The following DMRTA2 variants were observed in gnomAD, a reference collection of about 807,000 sequenced individuals.
DMRTA2 encodes DMRT like family A2.
A neutral mutation model predicts 29.7 loss-of-function variants in DMRTA2; 10 were observed. The observed-to-expected ratio is 0.34, with a 90% CI of 0.21 to 0.57. The LOEUF (loss-of-function observed/expected upper bound fraction) is 0.57, where lower values mean the gene tolerates loss of function less well. Ranked by LOEUF, DMRTA2 falls within the 20% of genes least tolerant of loss-of-function variation. The probability of loss-of-function intolerance (pLI) is 0.87; values close to 1 mark genes in which losing one functional copy is unlikely to be tolerated. For missense variants in DMRTA2, 783 were observed against 812.1 expected, an observed-to-expected ratio of 0.96 and a Z score of 0.44; for synonymous variants, 469 against 402.6, an observed-to-expected ratio of 1.16 and a Z score of -1.97.
At position 50,419,065 on chromosome 1, in the gene DMRTA2, G is replaced by A; in HGVS notation, c.1229C>T (p.Pro410Leu). 7.8e-7 allele frequency: 1 copy of A among 1,278,760 alleles called. No homozygotes were observed. Among genetic ancestry groups the A allele is most frequent in the Non-Finnish European group, 9.8e-7 (1 of 1,016,044 alleles). The allele number at this position is 1,278,760 out of a possible 1,614,324, so 79.2% of individuals were successfully genotyped here. Residue 410 changes from proline (P) to leucine (L), a missense_variant, in exon 3 of 3, where the codon CCC becomes CTC. Around this residue, in one of 3 missense-constraint regions of DMRTA2, gnomAD observed 667 missense variants for 624.8 expected, o/e 1.07. Transcript: ENST00000404795. The surrounding 1 kb of genome is among the most constrained non-coding windows in gnomAD (Gnocchi z 6.1). ...GGGTCTGTGGTGCGGAGGTGCGGCG[G>A]GCCCCGCCTGCAGCGGCGCAGGCAG... ...PGLPAPLQAG[P>L]AAPPHHRPLL...
In DMRTA2 at chr1:50,419,802, C is replaced by A; in HGVS notation, c.560-68G>T. 7.6e-7 allele frequency: 1 copy of A among 1,319,572 alleles called. No homozygotes were observed. The highest frequency in any genetic ancestry group is 1.0e-6 in the Non-Finnish European group (1 of 1,000,912). The allele number at this position is 1,319,572 out of a possible 1,614,324, so 81.7% of individuals were successfully genotyped here. A position where few individuals can be genotyped will look rare whatever the true frequency, so the allele number is the denominator to read the frequency against. On this transcript the variant is annotated intron_variant, in intron 2 of 2. Transcript: ENST00000404795. This position sits in a 1 kb window ranked among gnomAD's most constrained non-coding sequence, Gnocchi z 6.1. ...AGACAGCAGTCACAGCACCTCGGCC[C>A]TTTGGATCTCAGTTTCCTCTCCCTC...
At position 50,420,793 on chromosome 1, in the gene DMRTA2, A is replaced by G. The variant is rs776184256; in HGVS notation, c.559+185T>C. On this transcript the variant is annotated intron_variant, in intron 2 of 2. Coordinates refer to ENST00000404795, the MANE Select transcript of DMRTA2 (RefSeq NM_032110.3). The surrounding 1 kb of genome is among the most constrained non-coding windows in gnomAD (Gnocchi z 4.1). ...AGGGGTAAAGTGCAAATGCTCCAGA[A>G]GCGGGAGAAAGGAGAGTTTCTGTAC... is the stretch of plus-strand genomic sequence containing the variant. Among the ~76,000 whole-genome samples the G allele has an allele frequency of 4.3e-4, 66 of 152,200 alleles. No individual in the cohort carries two copies. The highest frequency in any genetic ancestry group is 1.9e-4 in the Non-Finnish European group (13 of 68,026).
Position 50,419,480 on chromosome 1 carries a change from C to T in DMRTA2, c.814G>A (p.Gly272Ser). ...SCPGSAGPGG[G>S]GEEDSPGSAS... is the part of the protein sequence containing the mutation. Reference sequence around the variant, plus strand: ...GAGCCCGGGCTGTCCTCCTCGCCGCCGCCGCCAGGGCCAGCGCTGCCTGGG... The same window carrying T: ...GAGCCCGGGCTGTCCTCCTCGCCGCTGCCGCCAGGGCCAGCGCTGCCTGGG... Residue 272 changes from glycine to serine, a missense_variant, in exon 3 of 3, where the codon GGC becomes AGC. This residue lies in a region of DMRTA2 where 667 missense variants were observed against 624.8 expected (regional missense o/e 1.07). Coordinates refer to ENST00000404795, the MANE Select transcript of DMRTA2 (RefSeq NM_032110.3). The surrounding 1 kb of genome is among the most constrained non-coding windows in gnomAD (Gnocchi z 6.1). 1.3e-6 allele frequency: 2 copies of T among 1,595,086 alleles called. No homozygotes were observed. Among genetic ancestry groups the T allele is most frequent in the Admixed American group, 1.7e-5 (1 of 58,626 alleles).
rs1464739911 is a variant in DMRTA2 at position 50,420,708 on chromosome 1, G to T, written c.559+270C>A. 6.6e-6 allele frequency among the ~76,000 whole-genome samples: 1 copy of T among 152,194 alleles called. No individual in the cohort carries two copies. The highest frequency in any genetic ancestry group is 1.5e-5 in the Non-Finnish European group (1 of 68,030). On this transcript the variant is annotated intron_variant, in intron 2 of 2. Transcript: ENST00000404795. This position sits in a 1 kb window ranked among gnomAD's most constrained non-coding sequence, Gnocchi z 4.1. ...AGCAAAGAAGCAGGGACCTGCCTGCGTTTGGGTAGAGGCGAGTAAAAAAAT... is the reference window on the plus strand; with the variant it reads ...AGCAAAGAAGCAGGGACCTGCCTGCTTTTGGGTAGAGGCGAGTAAAAAAAT...
intron 1 of DMRTA2, 77 bp downstream of exon 1, chr1:50,423,039 G>C (rs975821829): frequency 3.3e-5 from 5 of 152,552 alleles, no homozygotes; most frequent in African/African-American, 1.2e-4. Flanking sequence ...TAAGGCCCAC[G>C]GGGCCCAGGC....
At position 50,419,134 on chromosome 1, in the gene DMRTA2, A is replaced by T; in HGVS notation, c.1160T>A (p.Val387Asp). 2 of 1,073,414 alleles carry T rather than the reference A, an allele frequency of 1.9e-6. No individual in the cohort carries two copies. Among genetic ancestry groups the T allele is most frequent in the Non-Finnish European group, 1.1e-6 (1 of 891,952 alleles). 66.5% of individuals were successfully genotyped at this position (1,073,414 alleles called of 1,614,324 possible). A position where few individuals can be genotyped will look rare whatever the true frequency, so the allele number is the denominator to read the frequency against. The change falls in exon 3 of 3, where the codon GTC becomes GAC. Residue 387 changes from valine to aspartate, a missense_variant. By Grantham distance (152) the Val-to-Asp change is radical (BLOSUM62 -3). Coordinates refer to ENST00000404795, the MANE Select transcript of DMRTA2 (RefSeq NM_032110.3). This position sits in a 1 kb window ranked among gnomAD's most constrained non-coding sequence, Gnocchi z 6.1. ...AAADDAWPSR[V>D]DAAAAAAAAA... ...GGCGGCGGCGGCGGCGGCGGCGTCG[A>T]CGCGGCTGGGCCACGCGTCGTCTGC...
rs1356147197 is a variant in DMRTA2, at chr1:50,418,926, C to A, written c.1368G>T (p.Pro456=). 5 of 1,434,984 alleles carry A rather than the reference C, an allele frequency of 3.5e-6. No homozygotes were observed. Among genetic ancestry groups the A allele is most frequent in the Non-Finnish European group, 4.5e-6 (5 of 1,100,350 alleles). The allele number at this position is 1,434,984 out of a possible 1,614,324, so 88.9% of individuals were successfully genotyped here. A position where few individuals can be genotyped will look rare whatever the true frequency, so the allele number is the denominator to read the frequency against. ...GGCTGAGGCCGAGCGGCGCGCCCAG[C>A]GGGTAGGCGCCCGCGTCGGCACCGA... is the stretch of plus-strand genomic sequence containing the variant. The part of the protein sequence containing the change: ...SHFGADAGAY[P]LGAPLGLSPL... The change falls in exon 3 of 3, where the codon CCG becomes CCT. Residue 456 remains proline, a synonymous_variant. Coordinates refer to ENST00000404795, the MANE Select transcript of DMRTA2 (RefSeq NM_032110.3).
rs1162459714 is a variant in DMRTA2, at chr1:50,422,079, G to C, written c.-8-535C>G. ...AGAGATGTGAAGGCGCAGATGTGAAGGCCGGTTGGGCCGGAGTTTTGTTTC... is the reference window on the plus strand; with the variant it reads ...AGAGATGTGAAGGCGCAGATGTGAACGCCGGTTGGGCCGGAGTTTTGTTTC... On this transcript the variant is annotated intron_variant, in intron 1 of 2. Coordinates refer to ENST00000404795, the MANE Select transcript of DMRTA2 (RefSeq NM_032110.3). The surrounding 1 kb of genome is among the most constrained non-coding windows in gnomAD (Gnocchi z 5.7). 6.6e-6 allele frequency among the ~76,000 whole-genome samples: 1 copy of C among 152,234 alleles called. No homozygotes were observed. Among genetic ancestry groups the C allele is most frequent in the East Asian group, 1.9e-4 (1 of 5,190 alleles).
Position 50,419,083 on chromosome 1 carries a change from G to C in DMRTA2, c.1211C>G (p.Ala404Gly). The change falls in exon 3 of 3, where the codon GCG (alanine) becomes GGG (glycine). Residue 404 changes from alanine (A) to glycine (G), a missense_variant. Ala to Gly is a moderately conservative substitution (Grantham distance 60, BLOSUM62 0). Coordinates refer to ENST00000404795, the MANE Select transcript of DMRTA2 (RefSeq NM_032110.3). This position sits in a 1 kb window ranked among gnomAD's most constrained non-coding sequence, Gnocchi z 6.1. Reference sequence around the variant, plus strand: ...TGCGGCGGGCCCCGCCTGCAGCGGCGCAGGCAGCCCAGGCCCCCCGGCGGC... The same window carrying C: ...TGCGGCGGGCCCCGCCTGCAGCGGCCCAGGCAGCCCAGGCCCCCCGGCGGC... ...AAAAGGPGLP[A>G]PLQAGPAAPP... 8.0e-7 allele frequency: 1 copy of C among 1,250,410 alleles called. No homozygotes were observed. The highest frequency in any genetic ancestry group is 1.0e-6 in the Non-Finnish European group (1 of 1,001,278). 77.5% of individuals were successfully genotyped at this position (1,250,410 alleles called of 1,614,324 possible).
At position 50,421,130 on chromosome 1, in the gene DMRTA2, G is replaced by T. The variant is rs1646035175; in HGVS notation, c.407C>A (p.Ala136Asp). Residue 136 changes from alanine to aspartate, a missense_variant, in exon 2 of 3, where the codon GCC (alanine) becomes GAC (aspartate). Physicochemically the swap from Ala to Asp is moderately radical, Grantham distance 126. Around this residue, in one of 3 missense-constraint regions of DMRTA2, gnomAD observed 667 missense variants for 624.8 expected, o/e 1.07. Transcript: ENST00000404795. The surrounding 1 kb of genome is among the most constrained non-coding windows in gnomAD (Gnocchi z 8.7). ...GGCGGCGGCCAGCGCCAGCCCCTCGGCAGTGCCGTAGAGCAGCTGCAGCTC... is the reference window on the plus strand; with the variant it reads ...GGCGGCGGCCAGCGCCAGCCCCTCGTCAGTGCCGTAGAGCAGCTGCAGCTC... ...ARELQLLYGT[A>D]EGLALAAANG... is the part of the protein sequence containing the mutation. 2 of 1,529,250 alleles carry T rather than the reference G, an allele frequency of 1.3e-6. No homozygotes were observed. The highest frequency in any genetic ancestry group is 1.8e-6 in the Non-Finnish European group (2 of 1,141,520). The allele number at this position is 1,529,250 out of a possible 1,614,324, so 94.7% of individuals were successfully genotyped here.
chr1:50,419,448 G>A lies in DMRTA2; in HGVS notation c.846C>T (p.Ser282=), dbSNP rs778056129. 1.3e-6 allele frequency: 2 copies of A among 1,598,370 alleles called. No homozygotes were observed. Among genetic ancestry groups the A allele is most frequent in the Middle Eastern group, 1.7e-4 (1 of 6,042 alleles). Residue 282 remains serine (S), a synonymous_variant, in exon 3 of 3, where the codon AGC becomes AGT. Coordinates refer to ENST00000404795, the MANE Select transcript of DMRTA2 (RefSeq NM_032110.3). The surrounding 1 kb of genome is among the most constrained non-coding windows in gnomAD (Gnocchi z 6.1). The part of the protein sequence containing the change: ...GGEEDSPGSA[S]PLGSESGSEA... ...CTGAACCGGATTCAGAGCCCAGAGG[G>A]CTAGCGGAGCCCGGGCTGTCCTCCT...
Position 50,421,614 on chromosome 1 carries a change from C to A in DMRTA2, c.-8-70G>T. The A allele has an allele frequency of 2.5e-6, 3 of 1,207,206 alleles. No homozygotes were observed. 74.8% of individuals were successfully genotyped at this position (1,207,206 alleles called of 1,614,324 possible). A position where few individuals can be genotyped will look rare whatever the true frequency, so the allele number is the denominator to read the frequency against. On this transcript the variant is annotated intron_variant, in intron 1 of 2. Transcript: ENST00000404795. The surrounding 1 kb of genome is among the most constrained non-coding windows in gnomAD (Gnocchi z 8.7). Reference sequence around the variant, plus strand: ...CACACCGCGCGCTAGGCCAAAGCGCCGCCTTGAGGAACCCAAGCTGGAGAG... The same window carrying A: ...CACACCGCGCGCTAGGCCAAAGCGCAGCCTTGAGGAACCCAAGCTGGAGAG...
At position 50,420,277 on chromosome 1, in the gene DMRTA2, C is replaced by T. The variant is rs1453269450; in HGVS notation, c.560-543G>A. Among the ~76,000 whole-genome samples, 3 of 152,154 alleles carry T rather than the reference C, an allele frequency of 2.0e-5. No homozygotes were observed. Among genetic ancestry groups the T allele is most frequent in the Admixed American group, 2.0e-4 (3 of 15,278 alleles). ...CAAAATTGAGACCTGAGAAGTTCTT[C>T]CCTCCCAAGTTTAGAGCGGATCCCT... On this transcript the variant is annotated intron_variant, in intron 2 of 2. Coordinates refer to ENST00000404795, the MANE Select transcript of DMRTA2 (RefSeq NM_032110.3). The surrounding 1 kb of genome is among the most constrained non-coding windows in gnomAD (Gnocchi z 4.1).
Position 50,422,988 on chromosome 1 carries a change from C to A in DMRTA2, c.-9+128G>T, listed in dbSNP as rs1221419470. 2 of 152,630 alleles carry A rather than the reference C, an allele frequency of 1.3e-5. No homozygotes were observed. Among genetic ancestry groups the A allele is most frequent in the African/African-American group, 4.8e-5 (2 of 41,470 alleles). The allele number at this position is 152,630 out of a possible 1,614,324, so 9.5% of individuals were successfully genotyped here. ...CGTCCGAGAGTCCCAGACCTCCTCTCTATGAGCGTTGCCTCCTCTCCCAGA... is the reference window on the plus strand; with the variant it reads ...CGTCCGAGAGTCCCAGACCTCCTCTATATGAGCGTTGCCTCCTCTCCCAGA... On this transcript the variant is annotated intron_variant, in intron 1 of 2. Coordinates refer to ENST00000404795, the MANE Select transcript of DMRTA2 (RefSeq NM_032110.3). The surrounding 1 kb of genome is among the most constrained non-coding windows in gnomAD (Gnocchi z 5.7).
rs1392425297 is a variant in DMRTA2, at chr1:50,421,101, C to G, written c.436G>C (p.Gly146Arg). The change falls in exon 2 of 3, where the codon GGC becomes CGC. Residue 146 changes from glycine to arginine, a missense_variant. By Grantham distance (125) the Gly-to-Arg change is moderately radical. This residue lies in a region of DMRTA2 where 667 missense variants were observed against 624.8 expected (regional missense o/e 1.07). Coordinates refer to ENST00000404795, the MANE Select transcript of DMRTA2 (RefSeq NM_032110.3). This position sits in a 1 kb window ranked among gnomAD's most constrained non-coding sequence, Gnocchi z 8.7. ...AEGLALAAAN[G>R]IIPPRPAYEV... ...TAGGCGGGCCTCGGGGGGATGATGCCGTTGGCGGCGGCCAGCGCCAGCCCC... is the reference window on the plus strand; with the variant it reads ...TAGGCGGGCCTCGGGGGGATGATGCGGTTGGCGGCGGCCAGCGCCAGCCCC... The G allele has an allele frequency of 6.6e-7, 1 of 1,524,372 alleles. No homozygotes were observed. Among genetic ancestry groups the G allele is most frequent in the Non-Finnish European group, 8.8e-7 (1 of 1,140,710 alleles). The allele number at this position is 1,524,372 out of a possible 1,614,324, so 94.4% of individuals were successfully genotyped here.
chr1:50,419,692 A>C lies in DMRTA2; in HGVS notation c.602T>G (p.Leu201Arg). 1 of 1,502,350 alleles carries C rather than the reference A, an allele frequency of 6.7e-7. No homozygotes were observed. Among genetic ancestry groups the C allele is most frequent in the Non-Finnish European group, 8.8e-7 (1 of 1,130,098 alleles). The allele number at this position is 1,502,350 out of a possible 1,614,324, so 93.1% of individuals were successfully genotyped here. The change falls in exon 3 of 3, where the codon CTG (leucine) becomes CGG (arginine). Residue 201 changes from leucine (L) to arginine (R), a missense_variant. Around this residue, in one of 3 missense-constraint regions of DMRTA2, gnomAD observed 667 missense variants for 624.8 expected, o/e 1.07. Transcript: ENST00000404795. The surrounding 1 kb of genome is among the most constrained non-coding windows in gnomAD (Gnocchi z 6.1). ...CGGGCTGCCCGGGCGGCCTGCCTGCAGCAGCGTCTTAGGAAACAGGTCAAA... is the reference window on the plus strand; with the variant it reads ...CGGGCTGCCCGGGCGGCCTGCCTGCCGCAGCGTCTTAGGAAACAGGTCAAA... ...QKFDLFPKTL[L>R]QAGRPGSPLP...
At position 50,420,867 on chromosome 1, in the gene DMRTA2, G is replaced by A. The variant is rs993107590; in HGVS notation, c.559+111C>T. The A allele has an allele frequency of 8.9e-6, 12 of 1,355,316 alleles. No individual in the cohort carries two copies. In the African/African-American group the frequency reaches 1.1e-4, roughly 12 times the overall value. 84.0% of individuals were successfully genotyped at this position (1,355,316 alleles called of 1,614,324 possible). A position where few individuals can be genotyped will look rare whatever the true frequency, so the allele number is the denominator to read the frequency against. On this transcript the variant is annotated intron_variant, in intron 2 of 2. Transcript: ENST00000404795. The surrounding 1 kb of genome is among the most constrained non-coding windows in gnomAD (Gnocchi z 4.1). ...GCGAGCGGTGAACCCTAGCAGTCGCGGCGACTGGACACGGGGGTTCTACTC... is the reference window on the plus strand; with the variant it reads ...GCGAGCGGTGAACCCTAGCAGTCGCAGCGACTGGACACGGGGGTTCTACTC...
chr1:50,423,055 C>T (rs1414579022), intron 1 of DMRTA2, 61 bp downstream of exon 1: 4 of 152,416 alleles, frequency 2.6e-5, no homozygotes, highest in Non-Finnish European at 5.9e-5. Flanking sequence ...CAGGCCTCCT[C>T]AACAGGGGCC....
chr1:50,421,496 G>A lies in DMRTA2; in HGVS notation c.41C>T (p.Ala14Val), dbSNP rs931077115. Residue 14 changes from alanine (A) to valine (V), a missense_variant, in exon 2 of 3, where the codon GCG becomes GTG. By Grantham distance (64) the Ala-to-Val change is moderately conservative. This residue lies in a region of DMRTA2 where 40 missense variants were observed against 34.7 expected (regional missense o/e 1.15). Transcript: ENST00000404795. The surrounding 1 kb of genome is among the most constrained non-coding windows in gnomAD (Gnocchi z 8.7). ...RSELPSVPGA[A>V]TAAAATATGP... ...CGTCGCTGTTGCCGCCGCCGCCGTC[G>A]CCGCGCCGGGCACGCTGGGCAGCTC... 5 of 1,271,564 alleles carry A rather than the reference G, an allele frequency of 3.9e-6. No homozygotes were observed. The African/African-American group carries it at 6.2e-5, about 16-fold the overall frequency. The allele number at this position is 1,271,564 out of a possible 1,614,324, so 78.8% of individuals were successfully genotyped here.
Sources: allele counts gnomAD v4.1 joint callset (sites outside exome capture counted in the v4.1 genomes callset), GRCh38; gene constraint gnomAD v4.1.1; regional missense constraint gnomAD v4.1.1; non-coding constraint Gnocchi (gnomAD v3.1); transcripts MANE v1.5; gene names NCBI Gene and HGNC (gene_info 2026-07-23, HGNC 2026-07-21).